KATNB1: variants seen among roughly 807,000 people sequenced by gnomAD.
KATNB1 encodes katanin p80 WD40 repeat-containing subunit B1.
KATNB1 carries 38 observed loss-of-function variants against 82.3 expected under a neutral mutation model. The ratio of observed to expected loss-of-function variants is 0.46; its 90% CI spans 0.36 to 0.61. KATNB1 has a LOEUF of 0.61. Ranked by LOEUF, KATNB1 falls within the 20% of genes least tolerant of loss-of-function variation. KATNB1 has a pLI of 0.00. For synonymous variants in KATNB1, 361 were observed against 368.7 expected, an observed-to-expected ratio of 0.98 and a Z score of 0.24; for missense variants, 749 against 915.7, an observed-to-expected ratio of 0.82 and a Z score of 2.35.
At chr16:57,737,812 G>T (rs534016687) in intron 2 of KATNB1, among the ~76,000 whole-genome samples, 1 of 152,300 alleles carries the variant, frequency 6.6e-6, no homozygotes, top group South Asian at 2.1e-4. Context: ...AGTGGATCTG[G>T]ACTCTTTCAT....
chr16:57,750,693 A>T (rs1555582778), intron 4 of KATNB1, 134 bp from the exon 5 acceptor site: 2 of 698,718 alleles, frequency 2.9e-6, no homozygotes, highest in Non-Finnish European at 5.2e-6. Context: ...CTACTGTTTT[A>T]AAAATGTGTG....
In KATNB1 at chr16:57,750,775, C is replaced by G. The variant is rs1382352367; in HGVS notation, c.290-52C>G. 27 of 1,425,522 alleles carry G rather than the reference C, an allele frequency of 1.9e-5. No homozygotes were observed. The East Asian group carries it at 5.7e-4, about 30-fold the overall frequency. The allele number at this position is 1,425,522 out of a possible 1,614,324, so 88.3% of individuals were successfully genotyped here. On this transcript the variant is annotated intron_variant, in intron 4 of 19. Transcript: ENST00000379661. ...AATGCCCACAGCAGCCCTTCCTCTG[C>G]CAGCCTTCTCATTTGCCTCTTAGCC... is the stretch of plus-strand genomic sequence containing the variant.
intron 18 of KATNB1, 70 bp downstream of exon 18, chr16:57,756,136 A>G: frequency 6.5e-7 from 1 of 1,530,730 alleles, no homozygotes; most frequent in Non-Finnish European, 8.9e-7. Context: ...CTCCAGAACC[A>G]TGGGAAGGAC....
At chr16:57,743,990 G>A (rs1000217607) in intron 3 of KATNB1, among the ~76,000 whole-genome samples, 1 of 152,212 alleles carries the variant, frequency 6.6e-6, no homozygotes, top group African/African-American at 2.4e-5. Flanking sequence ...GGCTTACCTC[G>A]CTGAGGGGCT....
Position 57,744,529 on chromosome 16 carries a change from C to T in KATNB1, c.289+18C>T. 6.3e-7 allele frequency: 1 copy of T among 1,584,762 alleles called. No individual in the cohort carries two copies. Among genetic ancestry groups the T allele is most frequent in the Non-Finnish European group, 8.7e-7 (1 of 1,153,824 alleles). On this transcript the variant is annotated intron_variant, in intron 4 of 19. Transcript: ENST00000379661. ...TGCCAAAAGTAGGCCTCCGAGCTTG[C>T]CTCCTGTGCACGCACACCTGCCTTA... is the stretch of plus-strand genomic sequence containing the variant.
chr16:57,743,297 G>C (rs1486479679), intron 3 of KATNB1, among the ~76,000 whole-genome samples: 3 of 152,014 alleles, frequency 2.0e-5, no homozygotes, highest in African/African-American at 4.8e-5. Context: ...CATCTCAAAA[G>C]AAAAAGAAAA....
chr16:57,757,224 T>A lies in KATNB1; in HGVS notation c.*278T>A, dbSNP rs1236504828. 3 of 328,294 alleles carry A rather than the reference T, an allele frequency of 9.1e-6. No homozygotes were observed. The highest frequency in any genetic ancestry group is 6.4e-5 in the African/African-American group (3 of 47,106). 20.3% of individuals were successfully genotyped at this position (328,294 alleles called of 1,614,324 possible). A position where few individuals can be genotyped will look rare whatever the true frequency, so the allele number is the denominator to read the frequency against. ...TGCTGCTGTAATTTATAAGGCAAAT[T>A]TTATTAAATTTGTAACTATTCCCAG... On this transcript the variant is annotated 3_prime_UTR_variant, in exon 20 of 20. Transcript: ENST00000379661.
chr16:57,754,128 G>T, intron 13 of KATNB1, 133 bp downstream of exon 13: 2 of 744,356 alleles, frequency 2.7e-6, no homozygotes, highest in Non-Finnish European at 2.3e-6. Context: ...ACCCTCTCCC[G>T]CTGGGTCTCT....
chr16:57,739,063 C>T (rs1224631051), intron 2 of KATNB1, among the ~76,000 whole-genome samples: 1 of 152,184 alleles, frequency 6.6e-6, no homozygotes, highest in Non-Finnish European at 1.5e-5. Flanking sequence ...CAAGGGAGGC[C>T]ATGGGCAGTG....
In KATNB1 at chr16:57,757,177, G is replaced by T. The variant is rs1461990546; in HGVS notation, c.*231G>T. The T allele has an allele frequency of 1.2e-4, 50 of 404,900 alleles. 1 individual carries two copies. The highest frequency in any genetic ancestry group is 6.0e-5 in the Non-Finnish European group (14 of 232,646). 25.1% of individuals were successfully genotyped at this position (404,900 alleles called of 1,614,324 possible). A position where few individuals can be genotyped will look rare whatever the true frequency, so the allele number is the denominator to read the frequency against. The stretch of plus-strand genomic sequence containing the variant: ...CTTTGCCCAACTGTTGCTTCTTGGG[G>T]CAGCGAACTGAGCCCTGGGGCTGCT... On this transcript the variant is annotated 3_prime_UTR_variant, in exon 20 of 20. Transcript: ENST00000379661.
chr16:57,751,546 T>G lies in KATNB1; in HGVS notation c.433-95T>G. 8.4e-7 allele frequency: 1 copy of G among 1,189,944 alleles called. No homozygotes were observed. Among genetic ancestry groups the G allele is most frequent in the Non-Finnish European group, 1.2e-6 (1 of 805,550 alleles). 73.7% of individuals were successfully genotyped at this position (1,189,944 alleles called of 1,614,324 possible). On this transcript the variant is annotated intron_variant, in intron 6 of 19. Transcript: ENST00000379661. The surrounding 1 kb of genome is among the most constrained non-coding windows in gnomAD (Gnocchi z 6.3). ...GCAGAACCAGGCGGGTAACCAGTGT[T>G]GTTAGATGGAAGGGGTCCCATAGGA...
chr16:57,738,834 C>T lies in KATNB1; in HGVS notation c.40+1551C>T, dbSNP rs550382345. Among the ~76,000 whole-genome samples, 6 of 152,278 alleles carry T rather than the reference C, an allele frequency of 3.9e-5. No individual in the cohort carries two copies. The South Asian group carries it at 1.2e-3, about 32-fold the overall frequency. ...GGGAGCCACTGGGGGACAAAGTAGT[C>T]AAGGTCTCTGTACAGCGGGAGCTCA... is the stretch of plus-strand genomic sequence containing the variant. On this transcript the variant is annotated intron_variant, in intron 2 of 19. Coordinates refer to ENST00000379661, the MANE Select transcript of KATNB1 (RefSeq NM_005886.3).
chr16:57,756,618 G>A, intron 19 of KATNB1, 146 bp downstream of exon 19: 1 of 1,178,636 alleles, frequency 8.5e-7, no homozygotes, highest in Non-Finnish European at 1.2e-6. Context: ...CAGGGTGTGG[G>A]TGGGCTTAGC....
At chr16:57,753,830 G>A in intron 12 of KATNB1, 115 bp from the exon 13 acceptor site, 2 of 972,924 alleles carry the variant, frequency 2.1e-6, no homozygotes, top group Non-Finnish European at 3.1e-6. Flanking sequence ...AGGGTCCACA[G>A]TCTGCAGCCG....
intron 4 of KATNB1, among the ~76,000 whole-genome samples, chr16:57,747,810 C>T (rs1460058366): frequency 1.3e-5 from 2 of 152,208 alleles, no homozygotes; most frequent in Admixed American, 6.5e-5. Flanking sequence ...GGGCGCCGTG[C>T]CCCCTGTCCA....
intron 3 of KATNB1, among the ~76,000 whole-genome samples, chr16:57,742,404 C>T (rs577702486): frequency 3.2e-4 from 49 of 152,350 alleles, no homozygotes; most frequent in South Asian, 1.4e-3. Flanking sequence ...CATATAGTTC[C>T]GTTATCCAAA....
chr16:57,754,817 T>C (rs1205781246), intron 13 of KATNB1, 113 bp from the exon 14 acceptor site: 76 of 1,101,416 alleles, frequency 6.9e-5, no homozygotes, highest in Admixed American at 1.9e-4. Flanking sequence ...GCCTCCCCCA[T>C]GCTCCTGCTC....
At chr16:57,754,530 G>A (rs1224296131) in intron 13 of KATNB1, among the ~76,000 whole-genome samples, 3 of 152,188 alleles carry the variant, frequency 2.0e-5, no homozygotes, top group Middle Eastern at 3.2e-3. Flanking sequence ...GTTGGAGAAC[G>A]GGCAGGCATG....
chr16:57,749,749 G>A (rs2049210991), intron 4 of KATNB1, among the ~76,000 whole-genome samples: 1 of 152,214 alleles, frequency 6.6e-6, no homozygotes, highest in Admixed American at 6.5e-5. Flanking sequence ...TGGCCATGGA[G>A]ATGCCTGCAA....
Sources: allele counts gnomAD v4.1 joint callset (sites outside exome capture counted in the v4.1 genomes callset), GRCh38; gene constraint gnomAD v4.1.1; non-coding constraint Gnocchi (gnomAD v3.1); transcripts MANE v1.5; gene names NCBI Gene and HGNC (gene_info 2026-07-23, HGNC 2026-07-21).